EFS: variants seen among roughly 807,000 people sequenced by gnomAD.
The protein encoded by EFS is embryonal Fyn-associated substrate.
EFS carries 34 observed loss-of-function variants against 42.2 expected under a neutral mutation model. The observed-to-expected ratio is 0.81, with a 90% CI of 0.61 to 1.07. The LOEUF (loss-of-function observed/expected upper bound fraction) is 1.07. Ranked by LOEUF, EFS falls within the 50% of genes least tolerant of loss-of-function variation. The probability of loss-of-function intolerance (pLI) is 0.00; values close to 1 mark genes in which losing one functional copy is unlikely to be tolerated. For missense variants in EFS, 717 were observed against 729.4 expected, an observed-to-expected ratio of 0.98 and a Z score of 0.20; for synonymous variants, 299 against 320.7, an observed-to-expected ratio of 0.93 and a Z score of 0.72.
chr14:23,357,258 A>G lies in EFS; in HGVS notation c.1654T>C (p.Phe552Leu). 6.3e-7 allele frequency: 1 copy of G among 1,574,984 alleles called. No homozygotes were observed. Reference protein sequence around the residue: ...VTELAGQALQFTTLLTSLAP With the variant: ...VTELAGQALQLTTLLTSLAP ...GCCAGGCTAGTGAGCAGGGTAGTGA[A>G]TTGCAGGGCCTGCCCTGCCAGTTCT... Residue 552 changes from phenylalanine (F) to leucine (L), a missense_variant, in exon 6 of 6, where the codon TTC becomes CTC. Coordinates refer to ENST00000216733, the MANE Select transcript of EFS (RefSeq NM_005864.4).
At position 23,359,842 on chromosome 14, in the gene EFS, C is replaced by T. The variant is rs561088307; in HGVS notation, c.636G>A (p.Pro212=). The change falls in exon 4 of 6, where the codon CCG becomes CCA. Residue 212 remains proline (P), a synonymous_variant. Transcript: ENST00000216733. The stretch of plus-strand genomic sequence containing the variant: ...AGGGGGCAGCATAGATGGGGGGCCC[C>T]GGCTCCCGGCCTCCTTCCCACTCCA... ...PDLEWEGGRE[P]GPPIYAAPSN... 1.2e-5 allele frequency: 19 copies of T among 1,523,184 alleles called. No individual in the cohort carries two copies. Among genetic ancestry groups the T allele is most frequent in the East Asian group, 6.8e-5 (3 of 43,818 alleles). The allele number at this position is 1,523,184 out of a possible 1,614,324, so 94.4% of individuals were successfully genotyped here.
At chr14:23,361,497 C>T (rs779780202) in intron 1 of EFS, among the ~76,000 whole-genome samples, 3 of 152,238 alleles carry the variant, frequency 2.0e-5, no homozygotes, top group Non-Finnish European at 4.4e-5. Flanking sequence ...CCAGAAGAGG[C>T]TGAGGTTACC....
At chr14:23,360,347 T>C in intron 2 of EFS, 66 bp from the exon 3 acceptor site, 1 of 1,548,532 alleles carries the variant, frequency 6.5e-7, no homozygotes, top group South Asian at 1.3e-5. Flanking sequence ...AATGTCTGAG[T>C]GCGAGGAGCT....
In EFS at chr14:23,363,933, C is replaced by CAA. The variant is rs142088064; in HGVS notation, c.18+1073_18+1074dup. 4.0e-3 allele frequency among the ~76,000 whole-genome samples: 469 copies of CAA among 116,756 alleles called. 3 individuals carry two copies. Among genetic ancestry groups the CAA allele is most frequent in the African/African-American group, 0.012 (405 of 32,916 alleles). 76.6% of individuals were successfully genotyped at this position (116,756 alleles called of 152,430 possible). On this transcript the variant is annotated intron_variant, in intron 1 of 5. Transcript: ENST00000216733. ...TGGGTGACAGGGTGAGACCTTGTCT[C>CAA]AAAAAAAAAAAAAAAATGGAGTTTG...
At chr14:23,359,199 A>C in intron 4 of EFS, 118 bp downstream of exon 4, 1 of 1,479,876 alleles carries the variant, frequency 6.8e-7, no homozygotes, top group Admixed American at 1.8e-5. Flanking sequence ...GCTGCAGGGT[A>C]GAGGGAAGGG....
At chr14:23,363,792 G>A (rs1466026908) in intron 1 of EFS, among the ~76,000 whole-genome samples, 1 of 152,132 alleles carries the variant, frequency 6.6e-6, no homozygotes, top group African/African-American at 2.4e-5. Flanking sequence ...ACAAAAAGCT[G>A]ATGTGGTGGT....
chr14:23,359,052 C>T, intron 4 of EFS, 87 bp from the exon 5 acceptor site: 1 of 1,293,030 alleles, frequency 7.7e-7, no homozygotes, highest in East Asian at 2.4e-5. Flanking sequence ...CCCCGGACCC[C>T]CTTCCTTCCG....
At chr14:23,361,703 A>G (rs1484835374) in intron 1 of EFS, among the ~76,000 whole-genome samples, 1 of 152,212 alleles carries the variant, frequency 6.6e-6, no homozygotes, top group Non-Finnish European at 1.5e-5. Flanking sequence ...GGGGGCTTAT[A>G]AGCTTTTTCC....
chr14:23,364,213 G>A (rs959561587), intron 1 of EFS, among the ~76,000 whole-genome samples: 3 of 152,232 alleles, frequency 2.0e-5, no homozygotes. Flanking sequence ...GCTCCTCCCG[G>A]TGTTAGGACT....
chr14:23,360,484 G>A, intron 2 of EFS, 71 bp downstream of exon 2: 1 of 1,512,128 alleles, frequency 6.6e-7, no homozygotes, highest in Non-Finnish European at 8.8e-7. Context: ...CCTGCTGCAG[G>A]CCCTGGGTGG....
At chr14:23,358,633 G>C (rs142144072) in intron 5 of EFS, among the ~76,000 whole-genome samples, 34 of 152,240 alleles carry the variant, frequency 2.2e-4, no homozygotes, top group African/African-American at 8.2e-4. Flanking sequence ...TCTCCTGGCT[G>C]CTTGATTTTC....
chr14:23,359,684 G>C lies in EFS; in HGVS notation c.794C>G (p.Ser265Cys), dbSNP rs2231806. 1.3e-5 allele frequency: 19 copies of C among 1,511,632 alleles called. No individual in the cohort carries two copies. The highest frequency in any genetic ancestry group is 1.7e-5 in the Non-Finnish European group (19 of 1,131,434). The allele number at this position is 1,511,632 out of a possible 1,614,324, so 93.6% of individuals were successfully genotyped here. ...VPLLGPEAPP[S>C]PEPPGALASH... ...GGCCAAGGCTCCAGGGGGCTCTGGAGAAGGGGGAGCCTCTGGCCCCAGCAG... is the reference window on the plus strand; with the variant it reads ...GGCCAAGGCTCCAGGGGGCTCTGGACAAGGGGGAGCCTCTGGCCCCAGCAG... The change falls in exon 4 of 6, where the codon TCT (serine) becomes TGT (cysteine). Residue 265 changes from serine to cysteine, a missense_variant. Physicochemically the swap from Ser to Cys is moderately radical, Grantham distance 112. Transcript: ENST00000216733.
At chr14:23,361,836 G>C (rs1474094164) in intron 1 of EFS, among the ~76,000 whole-genome samples, 1 of 152,202 alleles carries the variant, frequency 6.6e-6, no homozygotes, top group Non-Finnish European at 1.5e-5. Context: ...AACCTTACGA[G>C]GGAGGGACTG....
rs754943844 is a variant in EFS, at chr14:23,360,756, T to C, written c.96A>G (p.Leu32=). The C allele has an allele frequency of 3.1e-6, 5 of 1,613,850 alleles. No individual in the cohort carries two copies. The African/African-American group carries it at 6.7e-5, about 22-fold the overall frequency. ...QELSFRRGDV[L]RVLQREGAGG... ...CAGCGCCCTCTCTCTGCAGGACCCG[T>C]AGGACATCCCCTCGGCGGAAGGACA... The change falls in exon 2 of 6, where the codon CTA becomes CTG. Residue 32 remains leucine (L), a synonymous_variant. Transcript: ENST00000216733.
intron 1 of EFS, 39 bp downstream of exon 1, chr14:23,364,969 G>C: frequency 8.1e-7 from 1 of 1,233,188 alleles, no homozygotes; most frequent in Middle Eastern, 2.1e-4. Flanking sequence ...AGGCCGTGGA[G>C]GTCTCTCCCC....
Position 23,360,339 on chromosome 14 carries a change from T to C in EFS, c.298-58A>G, listed in dbSNP as rs1296715853. ...AACGGAGGGGCCGGTGATCAGATAA[T>C]GTCTGAGTGCGAGGAGCTTAGAGAC... On this transcript the variant is annotated intron_variant, in intron 2 of 5. Transcript: ENST00000216733. 5 of 1,559,912 alleles carry C rather than the reference T, an allele frequency of 3.2e-6. No individual in the cohort carries two copies. The African/African-American group carries it at 5.4e-5, about 17-fold the overall frequency.
intron 5 of EFS, among the ~76,000 whole-genome samples, chr14:23,358,451 C>T (rs1595024061): frequency 6.6e-6 from 1 of 152,180 alleles, no homozygotes; most frequent in Admixed American, 6.5e-5. Context: ...AGGAAACCAC[C>T]TCACTTTCTG....
intron 1 of EFS, 52 bp downstream of exon 1, chr14:23,364,956 G>A (rs1890272484): frequency 7.9e-7 from 1 of 1,259,374 alleles, no homozygotes; most frequent in Admixed American, 4.0e-5. Flanking sequence ...AGGAGCGCAG[G>A]GCAGGCCGTG....
chr14:23,357,524 G>A lies in EFS; in HGVS notation c.1388C>T (p.Ala463Val). Residue 463 changes from alanine to valine, a missense_variant, in exon 6 of 6, where the codon GCT becomes GTT. Physicochemically the swap from Ala to Val is moderately conservative, Grantham distance 64 (BLOSUM62 0). Transcript: ENST00000216733. ...CACGAAAAGGCGCGGGGGCTGATTA[G>A]CCTGGGTACTGGACATCAGGGCTGC... ...AVAALMSSTQ[A>V]NQPPRLFVPH... The A allele has an allele frequency of 6.2e-7, 1 of 1,613,810 alleles. No individual in the cohort carries two copies. The highest frequency in any genetic ancestry group is 1.1e-5 in the South Asian group (1 of 91,020).
Sources: allele counts gnomAD v4.1 joint callset (sites outside exome capture counted in the v4.1 genomes callset), GRCh38; gene constraint gnomAD v4.1.1; transcripts MANE v1.5; gene names NCBI Gene and HGNC (gene_info 2026-07-23, HGNC 2026-07-21).